UNC80: variants seen among roughly 807,000 people sequenced by gnomAD.
UNC80 encodes the protein protein unc-80 homolog.
UNC80 carries 164 observed loss-of-function variants against 384.6 expected under a neutral mutation model. The observed-to-expected ratio is 0.43, with a 90% CI of 0.38 to 0.49. The LOEUF is 0.49. UNC80 is among the 20% of genes least tolerant of loss of function. The probability of loss-of-function intolerance (pLI) is 0.00; values close to 1 mark genes in which losing one functional copy is unlikely to be tolerated. For missense variants in UNC80, 3,330 were observed against 4,143.0 expected (o/e 0.80, Z 5.39); for synonymous variants, 1,486 against 1,527.8 (o/e 0.97, Z 0.64).
At position 209,875,987 on chromosome 2, in the gene UNC80, G is replaced by T. The variant is rs1484134746; in HGVS notation, c.3841-1967G>T. 2.6e-5 allele frequency among the ~76,000 whole-genome samples: 4 copies of T among 152,184 alleles called. No individual in the cohort carries two copies. In the South Asian group the frequency reaches 8.3e-4, roughly 32 times the overall value. On this transcript the variant is annotated intron_variant, in intron 23 of 64. Coordinates refer to ENST00000673920, the MANE Select transcript of UNC80 (RefSeq NM_001371986.1). ...TGCATCCATCATCCGAGTAGGGCAC[G>T]TTGTACCCAAAATGTAGTTTTCCAG... is the stretch of plus-strand genomic sequence containing the variant.
intron 11 of UNC80, among the ~76,000 whole-genome samples, 158 bp from the exon 12 acceptor site, chr2:209,818,834 TA>T (rs368379740): frequency 2.0e-5 from 3 of 152,222 alleles, no homozygotes; most frequent in African/African-American, 7.2e-5. Context: ...GTAGCTTCAG[TA>T]GTCCCATGAG....
At chr2:209,991,801 T>C (rs1035165076) in intron 61 of UNC80, among the ~76,000 whole-genome samples, 4 of 151,860 alleles carry the variant, frequency 2.6e-5, no homozygotes, top group Non-Finnish European at 5.9e-5. Context: ...ATAGAGTTGT[T>C]TGTGTTTGTT....
At chr2:209,828,148 G>T (rs2153828355) in intron 14 of UNC80, among the ~76,000 whole-genome samples, 1 of 152,112 alleles carries the variant, frequency 6.6e-6, no homozygotes, top group South Asian at 2.1e-4. Flanking sequence ...TGTACTTCAG[G>T]ACCTGCCAAC....
In UNC80 at chr2:209,935,763, C is replaced by A. The variant is rs1363855541; in HGVS notation, c.6228C>A (p.Thr2076=). The change falls in exon 40 of 65, where the codon ACC becomes ACA. Residue 2076 remains threonine (T), a synonymous_variant. Coordinates refer to ENST00000673920, the MANE Select transcript of UNC80 (RefSeq NM_001371986.1). ...VHGQNECDIP[T]QLPVHEDTQF... ...GACAGAATGAGTGCGATATCCCAAC[C>A]CAGTTACCAGTCCATGAAGACACTC... The A allele has an allele frequency of 1.3e-6, 2 of 1,539,128 alleles. No homozygotes were observed. Among genetic ancestry groups the A allele is most frequent in the East Asian group, 2.5e-5 (1 of 39,890 alleles).
chr2:209,776,954 G>A (rs112105094), intron 3 of UNC80, among the ~76,000 whole-genome samples: 4 of 152,270 alleles, frequency 2.6e-5, no homozygotes, highest in African/African-American at 7.2e-5. Flanking sequence ...AGGTCACATT[G>A]TCTAAAATAG....
In UNC80 at chr2:209,777,253, T is replaced by C; in HGVS notation, c.299-5T>C. On this transcript the variant is annotated splice_polypyrimidine_tract_variant and splice_region_variant and intron_variant, in intron 3 of 64. Coordinates refer to ENST00000673920, the MANE Select transcript of UNC80 (RefSeq NM_001371986.1). ...TTAACCTGCCTGTGTAATTGTCCCA[T>C]GCAGGCCACCAGGATAAATTGGGTG... 6.3e-7 allele frequency: 1 copy of C among 1,579,192 alleles called. No homozygotes were observed. The highest frequency in any genetic ancestry group is 2.2e-5 in the East Asian group (1 of 44,620).
chr2:209,879,024 G>A (rs145216441), intron 24 of UNC80, among the ~76,000 whole-genome samples: 43 of 151,544 alleles, frequency 2.8e-4, no homozygotes, highest in African/African-American at 9.2e-4. Flanking sequence ...TCCTTTCCAC[G>A]TTCCTTCCAA....
At chr2:209,917,481 T>G (rs1328816572) in intron 31 of UNC80, among the ~76,000 whole-genome samples, 7 of 152,208 alleles carry the variant, frequency 4.6e-5, no homozygotes, top group Admixed American at 3.3e-4. Context: ...TATTTCAGGA[T>G]GTACTTTTTT....
intron 15 of UNC80, among the ~76,000 whole-genome samples, chr2:209,829,996 T>C (rs10174867): frequency 0.57 from 87,369 of 152,072 alleles, 25,389 homozygotes; most frequent in Admixed American, 0.63. Context: ...CAATAAGTGT[T>C]AACTGCATTT....
At chr2:209,791,384 C>T (rs2153825599) in intron 6 of UNC80, among the ~76,000 whole-genome samples, 1 of 151,968 alleles carries the variant, frequency 6.6e-6, no homozygotes, top group Non-Finnish European at 1.5e-5. Flanking sequence ...TTTTTTGTGC[C>T]TCCCACCACT....
chr2:209,793,302 T>G (rs1434052371), intron 6 of UNC80, among the ~76,000 whole-genome samples: 1 of 152,216 alleles, frequency 6.6e-6, no homozygotes, highest in Non-Finnish European at 1.5e-5. Context: ...AACCTTGTAC[T>G]TCTGTTCTCA....
intron 51 of UNC80, among the ~76,000 whole-genome samples, chr2:209,966,739 C>A (rs376558059): frequency 6.6e-6 from 1 of 152,174 alleles, no homozygotes; most frequent in Non-Finnish European, 1.5e-5. Flanking sequence ...CTGTATGGAA[C>A]CGAGTTGGGA....
chr2:209,940,422 G>A (rs373151848), intron 43 of UNC80, among the ~76,000 whole-genome samples: 3 of 152,238 alleles, frequency 2.0e-5, no homozygotes, highest in African/African-American at 7.2e-5. Flanking sequence ...GAGAGACACA[G>A]AAGGAGACCC....
intron 28 of UNC80, among the ~76,000 whole-genome samples, chr2:209,902,055 A>G (rs1329112127): frequency 2.0e-5 from 3 of 152,206 alleles, no homozygotes; most frequent in Non-Finnish European, 4.4e-5. Context: ...TCTAGATGTC[A>G]TTAAGAACAT....
At chr2:209,824,446 G>A (rs534644633) in intron 13 of UNC80, among the ~76,000 whole-genome samples, 63 of 152,250 alleles carry the variant, frequency 4.1e-4, no homozygotes, top group African/African-American at 1.4e-3. Flanking sequence ...AAGCTGGGAT[G>A]GCTCTTTAAG....
At chr2:209,790,974 T>C (rs2153825572) in intron 6 of UNC80, among the ~76,000 whole-genome samples, 1 of 152,194 alleles carries the variant, frequency 6.6e-6, no homozygotes, top group East Asian at 1.9e-4. Flanking sequence ...TTCTAAATGA[T>C]GACATCTTAG....
chr2:209,943,680 A>G (rs13406181), intron 45 of UNC80, among the ~76,000 whole-genome samples, 166 bp downstream of exon 45: 15,719 of 152,256 alleles, frequency 0.1, 2,018 homozygotes, highest in African/African-American at 0.3. Flanking sequence ...TGAAAAAAGG[A>G]GAAGCTTCAG....
intron 25 of UNC80, among the ~76,000 whole-genome samples, chr2:209,887,813 G>A (rs1243234212): frequency 6.6e-6 from 1 of 152,184 alleles, no homozygotes; most frequent in East Asian, 1.9e-4. Flanking sequence ...CAAAGAGTTA[G>A]AAGGTAAGGA....
At chr2:209,900,738 G>A (rs1377217638) in intron 28 of UNC80, among the ~76,000 whole-genome samples, 2 of 152,182 alleles carry the variant, frequency 1.3e-5, no homozygotes, top group Non-Finnish European at 2.9e-5. Flanking sequence ...GCCAAGTTGT[G>A]ATTTCAAAGG....
Sources: allele counts gnomAD v4.1 joint callset (sites outside exome capture counted in the v4.1 genomes callset), GRCh38; gene constraint gnomAD v4.1.1; transcripts MANE v1.5; gene names NCBI Gene and HGNC (gene_info 2026-07-23, HGNC 2026-07-21).